The following RARB variants were observed in gnomAD, a reference collection of about 807,000 sequenced individuals.
The protein encoded by RARB is HBV-activated protein.
A neutral mutation model predicts 51.9 loss-of-function variants in RARB; 17 were observed. The observed-to-expected ratio is 0.33, with a 90% CI of 0.22 to 0.49. The LOEUF is 0.49. Among genes scored for constraint, RARB ranks in the 20% least tolerant of loss-of-function variants. RARB has a pLI of 0.99. For synonymous variants in RARB, 215 were observed against 195.4 expected (o/e 1.10, Z -0.84); for missense variants, 369 against 550.8 (o/e 0.67, Z 3.30).
intron 5 of RARB, among the ~76,000 whole-genome samples, chr3:25,346,883 C>G (rs1379661176): frequency 2.0e-5 from 3 of 152,174 alleles, no homozygotes; most frequent in African/African-American, 7.2e-5. Context: ...AAAGGAGGCT[C>G]TGGTGAGCAA....
At chr3:24,968,923 T>C (rs985421294) in intron 2 of RARB, among the ~76,000 whole-genome samples, 3 of 152,200 alleles carry the variant, frequency 2.0e-5, no homozygotes, top group African/African-American at 7.2e-5. Flanking sequence ...TCAATTCACG[T>C]TTATTGAATA....
chr3:25,159,395 C>G (rs1335919319), intron 4 of RARB, among the ~76,000 whole-genome samples: 3 of 132,456 alleles, frequency 2.3e-5, no homozygotes, highest in African/African-American at 8.1e-5. Context: ...TCTCGAACTC[C>G]TGACCTCAGA....
Position 25,509,881 on chromosome 3 carries a change from C to T in RARB, c.448+8558C>T, listed in dbSNP as rs538764741. On this transcript the variant is annotated intron_variant, in intron 3 of 7. Coordinates refer to ENST00000330688, the MANE Select transcript of RARB (RefSeq NM_000965.5). ...TTTGCTCATCTGGCACCTTCCATCT[C>T]TCCTCTGCCTTATTTGGGACTCTGT... Among the ~76,000 whole-genome samples, 9 of 152,302 alleles carry T rather than the reference C, an allele frequency of 5.9e-5. No individual in the cohort carries two copies. In the South Asian group the frequency reaches 1.9e-3, roughly 32 times the overall value.
intron 5 of RARB, among the ~76,000 whole-genome samples, chr3:25,590,391 C>T (rs1701569945): frequency 6.6e-6 from 1 of 152,126 alleles, no homozygotes; most frequent in African/African-American, 2.4e-5. Flanking sequence ...TTGCAGGGGA[C>T]AGATCTCATG....
intron 3 of RARB, among the ~76,000 whole-genome samples, chr3:25,109,751 T>C (rs1027312116): frequency 6.6e-6 from 1 of 152,144 alleles, no homozygotes; most frequent in Non-Finnish European, 1.5e-5. Context: ...ACGTCAGCCA[T>C]GCTTCTTCAT....
intron 2 of RARB, among the ~76,000 whole-genome samples, chr3:24,977,237 T>G (rs1696537396): frequency 6.6e-6 from 1 of 152,176 alleles, no homozygotes; most frequent in African/African-American, 2.4e-5. Flanking sequence ...TTGACTTGGC[T>G]ATATGGGCTC....
At chr3:25,237,801 G>C (rs148574196) in intron 5 of RARB, among the ~76,000 whole-genome samples, 1 of 151,892 alleles carries the variant, frequency 6.6e-6, no homozygotes, top group Non-Finnish European at 1.5e-5. Context: ...TGCCAAAACC[G>C]CAATTACTTT....
At chr3:25,524,323 A>G (rs956365195) in intron 3 of RARB, among the ~76,000 whole-genome samples, 3 of 152,182 alleles carry the variant, frequency 2.0e-5, no homozygotes, top group Admixed American at 6.5e-5. Context: ...AACTGCTTGG[A>G]AAATCAAACT....
At chr3:25,568,016 C>T (rs945691315) in intron 3 of RARB, among the ~76,000 whole-genome samples, 2 of 152,124 alleles carry the variant, frequency 1.3e-5, no homozygotes, top group Non-Finnish European at 2.9e-5. Context: ...AACCATGATA[C>T]CCACTCTCAC....
chr3:25,346,120 G>A (rs1176141892), intron 5 of RARB, among the ~76,000 whole-genome samples: 1 of 152,160 alleles, frequency 6.6e-6, no homozygotes, highest in Non-Finnish European at 1.5e-5. Flanking sequence ...CTCTCTCCAT[G>A]TAGTCTCTCA....
intron 2 of RARB, among the ~76,000 whole-genome samples, chr3:24,960,797 A>G (rs528676616): frequency 3.3e-5 from 5 of 151,812 alleles, no homozygotes; most frequent in Middle Eastern, 3.4e-3. Context: ...TCGCATTGAC[A>G]CTTTCCTTTT....
At chr3:25,368,618 C>A (rs929380835) in intron 5 of RARB, among the ~76,000 whole-genome samples, 1 of 152,210 alleles carries the variant, frequency 6.6e-6, no homozygotes, top group African/African-American at 2.4e-5. Context: ...CATGATAAGG[C>A]ACTCCTGGTT....
chr3:25,358,739 T>C (rs942133764), intron 5 of RARB, among the ~76,000 whole-genome samples: 8 of 152,228 alleles, frequency 5.3e-5, no homozygotes, highest in Non-Finnish European at 1.0e-4. Context: ...GAGATAATTA[T>C]GTGGTTTTCA....
intron 2 of RARB, among the ~76,000 whole-genome samples, chr3:25,058,940 T>G (rs1698495001): frequency 6.6e-6 from 1 of 151,474 alleles, no homozygotes; most frequent in Non-Finnish European, 1.5e-5. Context: ...AACTTGAAAG[T>G]TACAAAAAAA....
chr3:25,167,080 C>T (rs969648802), intron 4 of RARB, among the ~76,000 whole-genome samples: 3 of 152,166 alleles, frequency 2.0e-5, no homozygotes, highest in Admixed American at 1.3e-4. Context: ...TTGATTTAAT[C>T]TTGTCTCATC....
At chr3:25,282,713 G>A (rs1047147430) in intron 5 of RARB, among the ~76,000 whole-genome samples, 1 of 152,126 alleles carries the variant, frequency 6.6e-6, no homozygotes, top group African/African-American at 2.4e-5. Flanking sequence ...GTGAGTTCAA[G>A]GTCACACCAC....
At chr3:24,937,865 C>T (rs1209775748) in intron 2 of RARB, among the ~76,000 whole-genome samples, 1 of 151,990 alleles carries the variant, frequency 6.6e-6, no homozygotes, top group Non-Finnish European at 1.5e-5. Context: ...TTTTTTGTTT[C>T]TTTTGAGAAA....
At chr3:24,921,653 T>G (rs1452480174) in intron 2 of RARB, among the ~76,000 whole-genome samples, 2 of 151,996 alleles carry the variant, frequency 1.3e-5, no homozygotes, top group Non-Finnish European at 2.9e-5. Context: ...TTAACTCTCT[T>G]CCCGCATAGT....
Position 25,597,575 on chromosome 3 carries a change from T to G in RARB, c.*959T>G, listed in dbSNP as rs1237919701. 1 of 152,560 alleles carries G rather than the reference T, an allele frequency of 6.6e-6. No homozygotes were observed. The highest frequency in any genetic ancestry group is 1.5e-5 in the Non-Finnish European group (1 of 68,038). 9.5% of individuals were successfully genotyped at this position (152,560 alleles called of 1,614,324 possible). The stretch of plus-strand genomic sequence containing the variant: ...ATGTAACTCTAGTGTCCTTCCTGAT[T>G]CATGCCTGATATTGGGATTTTTTTT... On this transcript the variant is annotated 3_prime_UTR_variant, in exon 8 of 8. Coordinates refer to ENST00000330688, the MANE Select transcript of RARB (RefSeq NM_000965.5).
Sources: allele counts gnomAD v4.1 joint callset (sites outside exome capture counted in the v4.1 genomes callset), GRCh38; gene constraint gnomAD v4.1.1; transcripts MANE v1.5; gene names NCBI Gene and HGNC (gene_info 2026-07-23, HGNC 2026-07-21).